Variants in CNBD1 observed in about 807,000 individuals in gnomAD.
CNBD1 encodes cyclic nucleotide binding domain containing 1.
Under a neutral mutation model 54.4 loss-of-function variants are expected in CNBD1, and 71 were observed. The observed-to-expected ratio is 1.30, with a 90% CI of 1.08 to 1.59. The LOEUF (loss-of-function observed/expected upper bound fraction) is 1.59. Ranked by LOEUF, CNBD1 falls within the 40% of genes most tolerant of loss-of-function variation. The pLI is 0.00. For synonymous variants in CNBD1, 182 were observed against 170.7 expected (o/e 1.07, Z -0.51); for missense variants, 659 against 518.0 (o/e 1.27, Z -2.64).
intron 4 of CNBD1, among the ~76,000 whole-genome samples, chr8:86,996,525 GTACCT>G (rs1426955645): frequency 1.3e-5 from 2 of 152,106 alleles, no homozygotes. Flanking sequence ...TCAATTATTT[GTACCT>G]TACAATATTA....
chr8:87,068,089 A>G (rs893786664), intron 4 of CNBD1, among the ~76,000 whole-genome samples: 4 of 152,170 alleles, frequency 2.6e-5, no homozygotes, highest in Admixed American at 2.0e-4. Flanking sequence ...CTGTTCTTTC[A>G]GTATTTAATT....
chr8:87,185,359 G>A (rs963767839), intron 4 of CNBD1, among the ~76,000 whole-genome samples: 7 of 151,964 alleles, frequency 4.6e-5, no homozygotes, highest in South Asian at 2.1e-4. Flanking sequence ...ACTTCTTCGC[G>A]TAGTAATTTT....
intron 4 of CNBD1, among the ~76,000 whole-genome samples, chr8:87,127,039 TACA>T (rs548717495): frequency 9.0e-4 from 137 of 151,890 alleles, no homozygotes; most frequent in African/African-American, 3.0e-3. Context: ...CCCCTGTCTT[TACA>T]ACAAGACTAC....
intron 4 of CNBD1, among the ~76,000 whole-genome samples, chr8:87,041,348 A>G (rs893465632): frequency 5.3e-5 from 8 of 152,156 alleles, no homozygotes; most frequent in African/African-American, 1.9e-4. Flanking sequence ...GTGGTGCAGA[A>G]CTAAGGGAAT....
intron 4 of CNBD1, among the ~76,000 whole-genome samples, chr8:87,103,765 G>T (rs1308943685): frequency 1.3e-5 from 2 of 152,138 alleles, no homozygotes; most frequent in African/African-American, 4.8e-5. Flanking sequence ...AATGAGTTTT[G>T]GGTGGGGACA....
intron 10 of CNBD1, among the ~76,000 whole-genome samples, chr8:87,366,283 G>T (rs111731599): frequency 0.019 from 2,852 of 152,110 alleles, 90 homozygotes; most frequent in African/African-American, 0.062. Flanking sequence ...TGGAGAAGAG[G>T]TCACCTCCAA....
chr8:87,227,107 A>T (rs992827752), intron 5 of CNBD1, among the ~76,000 whole-genome samples: 1 of 151,808 alleles, frequency 6.6e-6, no homozygotes, highest in Non-Finnish European at 1.5e-5. Flanking sequence ...ATCTTCCTCC[A>T]TCCTTTTATT....
At position 87,307,615 on chromosome 8, in the gene CNBD1, A is replaced by G. The variant is rs561769379; in HGVS notation, c.1042+20944A>G. Among the ~76,000 whole-genome samples the G allele has an allele frequency of 5.3e-5, 8 of 151,976 alleles. No individual in the cohort carries two copies. In the South Asian group the frequency reaches 1.2e-3, roughly 24 times the overall value. On this transcript the variant is annotated intron_variant, in intron 8 of 10. Transcript: ENST00000518476. The stretch of plus-strand genomic sequence containing the variant: ...TAGCTGGGCATGGAGGCACATGCCT[A>G]TAATCCCAGCTACTTGGGAGGCTGA...
chr8:87,239,871 G>A lies in CNBD1; in HGVS notation c.771+2759G>A, dbSNP rs181633048. ...ATTGAAGCTGAAAGCTTTTTCATTAGAGTTGATTATATAAGGAAAGAGATA... is the reference window on the plus strand; with the variant it reads ...ATTGAAGCTGAAAGCTTTTTCATTAAAGTTGATTATATAAGGAAAGAGATA... On this transcript the variant is annotated intron_variant, in intron 6 of 10. Coordinates refer to ENST00000518476, the MANE Select transcript of CNBD1 (RefSeq NM_173538.3). 3.3e-5 allele frequency among the ~76,000 whole-genome samples: 5 copies of A among 151,956 alleles called. No individual in the cohort carries two copies. The East Asian group carries it at 7.7e-4, about 23-fold the overall frequency.
chr8:86,997,057 G>A (rs183286904), intron 4 of CNBD1, among the ~76,000 whole-genome samples: 1 of 152,106 alleles, frequency 6.6e-6, no homozygotes, highest in African/African-American at 2.4e-5. Flanking sequence ...TGAAGATTAG[G>A]TTTTAGATTA....
intron 8 of CNBD1, among the ~76,000 whole-genome samples, chr8:87,336,442 C>A (rs1218435429): frequency 1.3e-5 from 2 of 151,968 alleles, no homozygotes; most frequent in Non-Finnish European, 2.9e-5. Context: ...TTATTTCAGC[C>A]AGATGGTCTT....
chr8:87,423,901 A>C (rs931889335), intron 2 of CNBD1, among the ~76,000 whole-genome samples: 3 of 152,134 alleles, frequency 2.0e-5, no homozygotes, highest in African/African-American at 4.8e-5. Flanking sequence ...GAAGCCATCT[A>C]GTCCTGGACT....
In CNBD1 at chr8:87,165,846, G is replaced by A. The variant is rs1812951247; in HGVS notation, c.432-40147G>A. Among the ~76,000 whole-genome samples, 4 of 151,528 alleles carry A rather than the reference G, an allele frequency of 2.6e-5. No homozygotes were observed. The South Asian group carries it at 8.3e-4, about 31-fold the overall frequency. On this transcript the variant is annotated intron_variant, in intron 4 of 10. Coordinates refer to ENST00000518476, the MANE Select transcript of CNBD1 (RefSeq NM_173538.3). Reference sequence around the variant, plus strand: ...ATGGACGTTCACCTATTGTTTATTTGCCGTCATATATAAAGCATTATTATA... The same window carrying A: ...ATGGACGTTCACCTATTGTTTATTTACCGTCATATATAAAGCATTATTATA...
chr8:86,968,222 A>G (rs75207163), intron 4 of CNBD1, among the ~76,000 whole-genome samples: 2 of 152,158 alleles, frequency 1.3e-5, no homozygotes, highest in East Asian at 3.9e-4. Context: ...GTTATTTCAA[A>G]CCATTTTTTT....
chr8:87,117,194 C>T (rs1019700548), intron 4 of CNBD1, among the ~76,000 whole-genome samples: 1 of 151,764 alleles, frequency 6.6e-6, no homozygotes, highest in Non-Finnish European at 1.5e-5. Context: ...GTCAGGAGTT[C>T]GAGACCAGCC....
chr8:86,893,777 G>C (rs1405648964), intron 2 of CNBD1, among the ~76,000 whole-genome samples: 1 of 152,072 alleles, frequency 6.6e-6, no homozygotes, highest in Non-Finnish European at 1.5e-5. Flanking sequence ...AGTAATTAAA[G>C]TATGAAAATC....
rs113997053 is a variant in CNBD1 at position 87,165,827 on chromosome 8, G to A, written c.432-40166G>A. 8.4e-3 allele frequency among the ~76,000 whole-genome samples: 1,279 copies of A among 151,712 alleles called. 22 individuals are homozygous for A. The highest frequency in any genetic ancestry group is 0.02 in the African/African-American group (817 of 41,398). ...TACCACTTGGTTTTTATTTATGGAC[G>A]TTCACCTATTGTTTATTTGCCGTCA... On this transcript the variant is annotated intron_variant, in intron 4 of 10. Coordinates refer to ENST00000518476, the MANE Select transcript of CNBD1 (RefSeq NM_173538.3).
At chr8:87,318,054 G>A (rs955297590) in intron 8 of CNBD1, among the ~76,000 whole-genome samples, 1 of 151,594 alleles carries the variant, frequency 6.6e-6, no homozygotes, top group African/African-American at 2.4e-5. Flanking sequence ...AATTTAATTT[G>A]ACTCATTTTA....
intron 4 of CNBD1, among the ~76,000 whole-genome samples, chr8:87,016,805 T>C (rs1809365714): frequency 6.6e-6 from 1 of 152,184 alleles, no homozygotes. Flanking sequence ...ATAATGCCCA[T>C]TATAAGGTCT....
Sources: gnomAD v4.1 joint callset for allele counts (sites outside exome capture counted in the v4.1 genomes callset) on GRCh38, gnomAD v4.1.1 for gene constraint, MANE v1.5 for transcripts, NCBI Gene and HGNC (gene_info 2026-07-23, HGNC 2026-07-21) for gene names.